RAP1GAP2: variants seen among roughly 807,000 people sequenced by gnomAD.
RAP1GAP2 encodes RAP1 GTPase activating protein 2.
In RAP1GAP2, 27 loss-of-function variants were observed where a neutral mutation model predicts 95.0. The observed-to-expected ratio is 0.28, with a 90% CI of 0.21 to 0.39. The LOEUF is 0.39. Ranked by LOEUF, RAP1GAP2 falls within the 10% of genes least tolerant of loss-of-function variation. The pLI is 1.00. For missense variants in RAP1GAP2, 771 were observed against 970.0 expected (o/e 0.79, Z 2.72); for synonymous variants, 373 against 380.9 (o/e 0.98, Z 0.24).
chr17:2,803,992 G>A (rs2151485363), intron 2 of RAP1GAP2, among the ~76,000 whole-genome samples: 1 of 152,328 alleles, frequency 6.6e-6, no homozygotes, highest in South Asian at 2.1e-4. Context: ...GTAGAATTCA[G>A]AGTTCAGAAA....
rs1371163467 is a variant in RAP1GAP2 at position 2,855,909 on chromosome 17, C to T, written c.81-49375C>T. Among the ~76,000 whole-genome samples, 6 of 152,170 alleles carry T rather than the reference C, an allele frequency of 3.9e-5. No individual in the cohort carries two copies. Among genetic ancestry groups the T allele is most frequent in the East Asian group, 1.9e-4 (1 of 5,198 alleles). ...GATTACAGGCATGAGCCACCGTGCC[C>T]GGCTGAAGTGAATCTATTTAATAGA... On this transcript the variant is annotated intron_variant, in intron 2 of 24. Coordinates refer to ENST00000254695, the MANE Select transcript of RAP1GAP2 (RefSeq NM_015085.5). This position sits in a 1 kb window ranked among gnomAD's most constrained non-coding sequence, Gnocchi z 4.3.
intron 3 of RAP1GAP2, among the ~76,000 whole-genome samples, chr17:2,947,367 G>T (rs1463223645): frequency 2.0e-5 from 3 of 152,098 alleles, no homozygotes; most frequent in African/African-American, 4.8e-5. Context: ...GGTGAGGGGT[G>T]CAGTCTGTGG....
chr17:2,826,473 C>A (rs935606925), intron 2 of RAP1GAP2, among the ~76,000 whole-genome samples: 1 of 151,954 alleles, frequency 6.6e-6, no homozygotes, highest in Non-Finnish European at 1.5e-5. Context: ...AGTGTGTTGC[C>A]GGCGAGATGA....
intron 3 of RAP1GAP2, among the ~76,000 whole-genome samples, chr17:2,931,250 G>A (rs965905716): frequency 5.3e-5 from 8 of 151,734 alleles, no homozygotes; most frequent in Middle Eastern, 3.4e-3. Flanking sequence ...TGAGGGCTAG[G>A]CGTGTATGTT....
At chr17:2,758,493 C>T (rs1044176758) in intron 1 of RAP1GAP2, among the ~76,000 whole-genome samples, 8 of 152,162 alleles carry the variant, frequency 5.3e-5, no homozygotes, top group South Asian at 2.1e-4. Flanking sequence ...TTTTTAGTGC[C>T]GTAATTGGGT....
chr17:2,919,898 G>A (rs1420018393), intron 3 of RAP1GAP2, among the ~76,000 whole-genome samples: 4 of 151,876 alleles, frequency 2.6e-5, no homozygotes, highest in East Asian at 3.9e-4. Flanking sequence ...ATGGGGTTTC[G>A]CCATGTTGGC....
At chr17:2,830,004 T>C (rs1166865343) in intron 2 of RAP1GAP2, among the ~76,000 whole-genome samples, 1 of 152,106 alleles carries the variant, frequency 6.6e-6, no homozygotes, top group Non-Finnish European at 1.5e-5. Flanking sequence ...TACAGTATTT[T>C]ATTTTGTTGT....
chr17:2,886,637 T>G (rs1796432819), intron 2 of RAP1GAP2, among the ~76,000 whole-genome samples: 1 of 152,218 alleles, frequency 6.6e-6, no homozygotes, highest in African/African-American at 2.4e-5. Flanking sequence ...ACATAACGCC[T>G]GTCTCAGGCG....
intron 14 of RAP1GAP2, 65 bp downstream of exon 14, chr17:2,998,441 G>A: frequency 6.4e-7 from 1 of 1,550,860 alleles, no homozygotes; most frequent in Non-Finnish European, 8.8e-7. Flanking sequence ...TGGATGCTGT[G>A]ATATCAGAGG....
chr17:2,800,561 A>G lies in RAP1GAP2; in HGVS notation c.80+11A>G, dbSNP rs2069243315. 5.0e-6 allele frequency: 8 copies of G among 1,611,824 alleles called. No homozygotes were observed. The highest frequency in any genetic ancestry group is 6.8e-6 in the Non-Finnish European group (8 of 1,178,994). ...AAGTCTGAAGGTCAAGTAAGTAGCA[A>G]TTTCCTGTTCTGTAAAGGTCAGAGA... On this transcript the variant is annotated intron_variant, in intron 2 of 24. Coordinates refer to ENST00000254695, the MANE Select transcript of RAP1GAP2 (RefSeq NM_015085.5).
chr17:2,997,456 G>A (rs2045998501), intron 13 of RAP1GAP2, among the ~76,000 whole-genome samples: 1 of 152,166 alleles, frequency 6.6e-6, no homozygotes, highest in South Asian at 2.1e-4. Flanking sequence ...ACCTGTGTTT[G>A]TATTTCTCCC....
At chr17:2,818,387 C>T (rs1308541724) in intron 2 of RAP1GAP2, among the ~76,000 whole-genome samples, 3 of 151,378 alleles carry the variant, frequency 2.0e-5, no homozygotes, top group Middle Eastern at 3.4e-3. Flanking sequence ...TGCAGTGGTG[C>T]GATCTTGGCT....
At chr17:3,021,588 A>G (rs2046963592) in intron 19 of RAP1GAP2, among the ~76,000 whole-genome samples, 1 of 152,038 alleles carries the variant, frequency 6.6e-6, no homozygotes, top group African/African-American at 2.4e-5. Flanking sequence ...GGCGCATGCC[A>G]CCACACCGGC....
At chr17:2,939,791 C>G (rs2043423515) in intron 3 of RAP1GAP2, among the ~76,000 whole-genome samples, 1 of 152,230 alleles carries the variant, frequency 6.6e-6, no homozygotes, top group South Asian at 2.1e-4. Context: ...GAAGGGACCC[C>G]CTTGCCCTTA....
intron 3 of RAP1GAP2, among the ~76,000 whole-genome samples, chr17:2,950,039 T>TC (rs1166750000): frequency 9.8e-6 from 1 of 102,462 alleles, no homozygotes; most frequent in African/African-American, 3.9e-5. Context: ...GACCCATTTC[T>TC]TTTCTTCTTC....
Position 3,005,937 on chromosome 17 carries a change from C to T in RAP1GAP2, c.1273-18C>T. 6.2e-7 allele frequency: 1 copy of T among 1,610,156 alleles called. No individual in the cohort carries two copies. The highest frequency in any genetic ancestry group is 1.3e-5 in the African/African-American group (1 of 74,936). On this transcript the variant is annotated intron_variant, in intron 15 of 24. Transcript: ENST00000254695. The surrounding 1 kb of genome is among the most constrained non-coding windows in gnomAD (Gnocchi z 5.2). ...CAGCCGAGAGTGACAGACCTGAGGT[C>T]CGTCTTGTCTCTTCCAGGGCCCGGA... is the stretch of plus-strand genomic sequence containing the variant.
intron 3 of RAP1GAP2, among the ~76,000 whole-genome samples, chr17:2,911,896 G>A (rs1264845883): frequency 6.6e-6 from 1 of 152,184 alleles, no homozygotes; most frequent in Non-Finnish European, 1.5e-5. Context: ...ACCTGACCTT[G>A]TCCCTGGAGC....
chr17:2,956,538 T>C (rs1204434916), intron 3 of RAP1GAP2, among the ~76,000 whole-genome samples: 1 of 152,246 alleles, frequency 6.6e-6, no homozygotes, highest in Non-Finnish European at 1.5e-5. Context: ...CCGAGGACAC[T>C]GTTCCTCATC....
At chr17:3,031,998 T>G (rs112214936) in intron 23 of RAP1GAP2, among the ~76,000 whole-genome samples, 12 of 132,488 alleles carry the variant, frequency 9.1e-5, no homozygotes, top group African/African-American at 2.0e-4. Flanking sequence ...TCCTGAGCTC[T>G]CCAGACTATC....
Sources: allele counts gnomAD v4.1 joint callset (sites outside exome capture counted in the v4.1 genomes callset), GRCh38; gene constraint gnomAD v4.1.1; non-coding constraint Gnocchi (gnomAD v3.1); transcripts MANE v1.5; gene names NCBI Gene and HGNC (gene_info 2026-07-23, HGNC 2026-07-21).